The following CDC73 variants were observed in gnomAD, a reference collection of about 807,000 sequenced individuals.
CDC73 encodes the protein cell division cycle 73, also known as parafibromin.
CDC73 carries 21 observed loss-of-function variants against 83.7 expected under a neutral mutation model. The ratio of observed to expected loss-of-function variants is 0.25; its 90% CI spans 0.18 to 0.36. The LOEUF (loss-of-function observed/expected upper bound fraction) is 0.36. Ranked by LOEUF, CDC73 falls within the 10% of genes least tolerant of loss-of-function variation. The pLI is 1.00. For synonymous variants in CDC73, 224 were observed against 212.9 expected (o/e 1.05, Z -0.45); for missense variants, 342 against 653.3 (o/e 0.52, Z 5.19).
At chr1:193,218,575 A>G (rs1484126692) in intron 13 of CDC73, among the ~76,000 whole-genome samples, 1 of 152,220 alleles carries the variant, frequency 6.6e-6, no homozygotes, top group Admixed American at 6.5e-5. Flanking sequence ...CACACAGACC[A>G]ATGGAACAAG....
At chr1:193,216,030 C>T (rs75955246) in intron 13 of CDC73, among the ~76,000 whole-genome samples, 6 of 152,264 alleles carry the variant, frequency 3.9e-5, no homozygotes, top group African/African-American at 1.2e-4. Flanking sequence ...AACCACCTAA[C>T]GTCACACCTG....
At chr1:193,213,558 T>TG (rs1215071993) in intron 13 of CDC73, among the ~76,000 whole-genome samples, 1 of 152,224 alleles carries the variant, frequency 6.6e-6, no homozygotes, top group Non-Finnish European at 1.5e-5. Context: ...AGAGAGATGT[T>TG]GTGATCACTA....
At chr1:193,132,410 A>G (rs1482430188) in intron 3 of CDC73, among the ~76,000 whole-genome samples, 1 of 152,248 alleles carries the variant, frequency 6.6e-6, no homozygotes, top group African/African-American at 2.4e-5. Context: ...ACAAAAGTTT[A>G]GAACCCAGCA....
rs537652908 is a variant in CDC73, at chr1:193,185,290, T to A, written c.973-18505T>A. On this transcript the variant is annotated intron_variant, in intron 10 of 16. Coordinates refer to ENST00000367435, the MANE Select transcript of CDC73 (RefSeq NM_024529.5). Reference sequence around the variant, plus strand: ...GTAAGCTATTTAAAATAGTTAATTTTTAAAGCCACTATTGATGTCCCTTTG... The same window carrying A: ...GTAAGCTATTTAAAATAGTTAATTTATAAAGCCACTATTGATGTCCCTTTG... 3.9e-5 allele frequency among the ~76,000 whole-genome samples: 6 copies of A among 152,236 alleles called. No individual in the cohort carries two copies. In the East Asian group the frequency reaches 1.2e-3, roughly 29 times the overall value.
intron 1 of CDC73, among the ~76,000 whole-genome samples, chr1:193,122,768 C>T (rs1352689540): frequency 6.6e-6 from 1 of 151,944 alleles, no homozygotes; most frequent in Non-Finnish European, 1.5e-5. Context: ...GTCTTTGCAA[C>T]TCCTGGTTTA....
At chr1:193,184,491 T>C (rs1315570317) in intron 10 of CDC73, among the ~76,000 whole-genome samples, 1 of 151,840 alleles carries the variant, frequency 6.6e-6, no homozygotes, top group Non-Finnish European at 1.5e-5. Context: ...ATCTTCACAT[T>C]ATTAATGTGT....
chr1:193,234,150 T>TTCTCTCTCTCTCTC (rs1301715434), intron 14 of CDC73, among the ~76,000 whole-genome samples: 1 of 107,424 alleles, frequency 9.3e-6, no homozygotes, highest in African/African-American at 3.8e-5. Flanking sequence ...GGTAGGATAA[T>TTCTCTCTCTCTCTC]TCTCTCTCTC....
chr1:193,248,479 G>T (rs1677990468), intron 15 of CDC73, among the ~76,000 whole-genome samples: 1 of 152,126 alleles, frequency 6.6e-6, no homozygotes, highest in South Asian at 2.1e-4. Context: ...GACTTTTCAA[G>T]ATTTATTATT....
chr1:193,206,512 C>T (rs1475411620), intron 11 of CDC73, among the ~76,000 whole-genome samples: 1 of 152,128 alleles, frequency 6.6e-6, no homozygotes, highest in African/African-American at 2.4e-5. Context: ...TATTTTGCTG[C>T]CAAAACTGTT....
intron 9 of CDC73, among the ~76,000 whole-genome samples, chr1:193,151,237 T>G (rs1403984813): frequency 6.6e-6 from 1 of 152,102 alleles, no homozygotes; most frequent in African/African-American, 2.4e-5. Flanking sequence ...TTCATTTAAG[T>G]TTTTTTTAAA....
intron 10 of CDC73, among the ~76,000 whole-genome samples, chr1:193,190,136 A>G (rs1292536153): frequency 2.0e-5 from 3 of 152,174 alleles, no homozygotes; most frequent in East Asian, 1.9e-4. Flanking sequence ...AATACCAGCT[A>G]TTTTTTCCCA....
rs1422483312 is a variant in CDC73, at chr1:193,181,191, A to G, written c.973-22604A>G. 8.1e-6 allele frequency: 13 copies of G among 1,613,762 alleles called. No homozygotes were observed. The African/African-American group carries it at 1.2e-4, about 15-fold the overall frequency. On this transcript the variant is annotated intron_variant, in intron 10 of 16. Transcript: ENST00000367435. ...AATTTGGATGTCCAGTACCTTTTTC[A>G]TTGTAAATACTTCCATTGGCACTAA...
intron 1 of CDC73, chr1:193,122,701 T>C (rs757270915): frequency 1.7e-5 from 3 of 180,742 alleles, no homozygotes; most frequent in African/African-American, 4.7e-5. Flanking sequence ...AGACGCCTCT[T>C]TTTGTTCTTT....
intron 10 of CDC73, among the ~76,000 whole-genome samples, chr1:193,196,780 TTTTTGTGTGTTGATTTTGTA>T (rs2103172158): frequency 6.6e-6 from 1 of 152,326 alleles, no homozygotes; most frequent in East Asian, 1.9e-4. Context: ...ACACAACTAA[TTTTTGTGTGTTGATTTTGTA>T]TTCTGCAACT....
chr1:193,162,296 A>C (rs554220974), intron 10 of CDC73, among the ~76,000 whole-genome samples: 6 of 129,760 alleles, frequency 4.6e-5, no homozygotes, highest in African/African-American at 1.9e-4. Context: ...ATGATATATT[A>C]TATATACTAT....
intron 10 of CDC73, 113 bp from the exon 11 acceptor site, chr1:193,203,682 A>T: frequency 1.1e-6 from 1 of 874,320 alleles, no homozygotes; most frequent in South Asian, 1.4e-5. Context: ...TAACCAACTG[A>T]GTGAGAAAAA....
At chr1:193,144,848 A>AGT (rs1263517016) in intron 7 of CDC73, among the ~76,000 whole-genome samples, 1 of 150,470 alleles carries the variant, frequency 6.6e-6, no homozygotes, top group Non-Finnish European at 1.5e-5. Flanking sequence ...AAGGAAATAA[A>AGT]TTTGTTCCTT....
At chr1:193,166,188 A>C (rs1055925654) in intron 10 of CDC73, among the ~76,000 whole-genome samples, 6 of 152,014 alleles carry the variant, frequency 3.9e-5, no homozygotes, top group Admixed American at 1.3e-4. Flanking sequence ...TCTTTTTGGA[A>C]ACAGGGTCTT....
At chr1:193,149,681 C>T (rs1558288152) in intron 8 of CDC73, among the ~76,000 whole-genome samples, 2 of 152,072 alleles carry the variant, frequency 1.3e-5, no homozygotes, top group East Asian at 3.9e-4. Context: ...GATATAGAAT[C>T]CTATCATAAT....
Sources: allele counts gnomAD v4.1 joint callset (sites outside exome capture counted in the v4.1 genomes callset), GRCh38; gene constraint gnomAD v4.1.1; transcripts MANE v1.5; gene names NCBI Gene and HGNC (gene_info 2026-07-23, HGNC 2026-07-21).